ROPN1L: variants seen among roughly 807,000 people sequenced by gnomAD.
ROPN1L encodes ropporin-1-like protein.
Under a neutral mutation model 22.7 loss-of-function variants are expected in ROPN1L, and 23 were observed. The observed-to-expected ratio is 1.01, with a 90% confidence interval of 0.73 to 1.43. The LOEUF is 1.43. ROPN1L is among the 40% of genes most tolerant of loss of function. ROPN1L has a pLI of 0.00. For synonymous variants in ROPN1L, 116 were observed against 117.8 expected (o/e 0.98, Z 0.10); for missense variants, 271 against 291.5 (o/e 0.93, Z 0.51).
the ROPN1L span, among the ~76,000 whole-genome samples, chr5:10,481,270 C>T: frequency 6.6e-6 from 1 of 152,198 alleles, no homozygotes; most frequent in African/African-American, 2.4e-5. Flanking sequence ...ATTGAAAGGA[C>T]AGTTTGTTAC....
chr5:10,460,754 G>A (rs539145776), intron 3 of ROPN1L, among the ~76,000 whole-genome samples: 18 of 152,356 alleles, frequency 1.2e-4, no homozygotes, highest in African/African-American at 3.4e-4. Flanking sequence ...CATGCAGGCC[G>A]TTGGCTGCCA....
intron 3 of ROPN1L, among the ~76,000 whole-genome samples, chr5:10,459,370 C>T (rs1219063719): frequency 6.7e-6 from 1 of 150,028 alleles, no homozygotes; most frequent in Non-Finnish European, 1.5e-5. Flanking sequence ...TCACTGGGTT[C>T]TTGCCTTCCA....
chr5:10,446,814 A>C (rs958697760), intron 1 of ROPN1L, among the ~76,000 whole-genome samples: 2 of 152,140 alleles, frequency 1.3e-5, no homozygotes, highest in African/African-American at 4.8e-5. Flanking sequence ...AGTTATGAGG[A>C]GTTACCCCCA....
chr5:10,476,143 G>A (rs1465796907), downstream of ROPN1L, among the ~76,000 whole-genome samples: 1 of 152,230 alleles, frequency 6.6e-6, no homozygotes, highest in Non-Finnish European at 1.5e-5. Context: ...AGCAGGCTGC[G>A]AAATGCAGTC....
chr5:10,448,480 T>C (rs1741151563), intron 2 of ROPN1L, 97 bp downstream of exon 2: 2 of 1,436,354 alleles, frequency 1.4e-6, no homozygotes, highest in Non-Finnish European at 1.9e-6. Context: ...ACCCCAGCAA[T>C]GTATTTCAAA....
intron 1 of ROPN1L, among the ~76,000 whole-genome samples, chr5:10,443,674 C>G (rs187415526): frequency 6.6e-6 from 1 of 152,030 alleles, no homozygotes; most frequent in Non-Finnish European, 1.5e-5. Flanking sequence ...TTCTGGAGGC[C>G]AGAAGTCCAA....
In ROPN1L at chr5:10,453,232, G is replaced by A. The variant is rs80159916; in HGVS notation, c.417+3119G>A. 4.4e-3 allele frequency among the ~76,000 whole-genome samples: 671 copies of A among 152,296 alleles called. 4 individuals are homozygous for A. Among genetic ancestry groups the A allele is most frequent in the African/African-American group, 0.016 (646 of 41,560 alleles). On this transcript the variant is annotated intron_variant, in intron 3 of 4. Transcript: ENST00000274134. Reference sequence around the variant, plus strand: ...TCCTCCCTCAGAGGAGCGTGTGCTCGTCTGGGGTCCATGTCTGCTGCCAGG... The same window carrying A: ...TCCTCCCTCAGAGGAGCGTGTGCTCATCTGGGGTCCATGTCTGCTGCCAGG...
intron 3 of ROPN1L, among the ~76,000 whole-genome samples, chr5:10,460,847 C>G (rs1735009671): frequency 6.6e-6 from 1 of 152,236 alleles, no homozygotes; most frequent in African/African-American, 2.4e-5. Context: ...TGTCTCCGGG[C>G]CAGATGGGGC....
chr5:10,449,884 T>C, intron 2 of ROPN1L, 68 bp from the exon 3 acceptor site: 1 of 1,374,390 alleles, frequency 7.3e-7, no homozygotes, highest in African/African-American at 1.4e-5. Context: ...GTGTTGAATA[T>C]TCACAGCATT....
At position 10,448,281 on chromosome 5, in the gene ROPN1L, A is replaced by G. The variant is rs142187803; in HGVS notation, c.153A>G (p.Arg51=). ...WSAGYFSALS[R]GDPLPVKDRM... Reference sequence around the variant, plus strand: ...TTAGCTATTTTTCAGCTCTGTCGAGAGGAGATCCACTTCCTGTAAAGGACA... The same window carrying G: ...TTAGCTATTTTTCAGCTCTGTCGAGGGGAGATCCACTTCCTGTAAAGGACA... The change falls in exon 2 of 5, where the codon AGA becomes AGG. Residue 51 remains arginine (R), a synonymous_variant. Transcript: ENST00000274134. 84 of 1,614,118 alleles carry G rather than the reference A, an allele frequency of 5.2e-5. No individual in the cohort carries two copies. The African/African-American group carries it at 8.9e-4, about 17-fold the overall frequency.
At chr5:10,475,233 A>G (rs1184959490), downstream of ROPN1L, among the ~76,000 whole-genome samples, 3 of 152,166 alleles carry the variant, frequency 2.0e-5, no homozygotes, top group Non-Finnish European at 4.4e-5. Flanking sequence ...ACCCTCTTCA[A>G]CAAGACCTGG....
intron 1 of ROPN1L, 51 bp downstream of exon 1, chr5:10,442,349 C>T (rs1354178151): frequency 6.3e-7 from 1 of 1,599,852 alleles, no homozygotes; most frequent in Admixed American, 1.7e-5. Context: ...CCAAGCCAGA[C>T]GAGCCCAGAG....
At chr5:10,469,599 T>A (rs980482792), downstream of ROPN1L, among the ~76,000 whole-genome samples, 2 of 152,330 alleles carry the variant, frequency 1.3e-5, no homozygotes, top group African/African-American at 4.8e-5. Context: ...TTGAAAAAGC[T>A]ACAAGATGCA....
downstream of ROPN1L, among the ~76,000 whole-genome samples, chr5:10,466,120 A>G (rs1735149563): frequency 6.6e-6 from 1 of 152,212 alleles, no homozygotes; most frequent in Non-Finnish European, 1.5e-5. Context: ...GAAAAGGCCA[A>G]TACCAATGAA....
downstream of ROPN1L, among the ~76,000 whole-genome samples, chr5:10,469,321 A>T (rs1379095297): frequency 2.7e-4 from 3 of 11,182 alleles, no homozygotes; most frequent in Non-Finnish European, 8.1e-4. Context: ...CAAAAAAATT[A>T]AAAAAAAAAA....
chr5:10,459,206 G>A (rs1734951092), intron 3 of ROPN1L, among the ~76,000 whole-genome samples: 1 of 151,748 alleles, frequency 6.6e-6, no homozygotes, highest in African/African-American at 2.4e-5. Context: ...AGTGAGTTCT[G>A]GTAACTCCAC....
chr5:10,461,168 G>A lies in ROPN1L; in HGVS notation c.418-16G>A. The A allele has an allele frequency of 6.2e-7, 1 of 1,603,698 alleles. No individual in the cohort carries two copies. Among genetic ancestry groups the A allele is most frequent in the Non-Finnish European group, 8.5e-7 (1 of 1,173,250 alleles). On this transcript the variant is annotated splice_polypyrimidine_tract_variant and intron_variant, in intron 3 of 4. Transcript: ENST00000274134. Reference sequence around the variant, plus strand: ...GAGTAACTGTTTTTCTCCCCACCTGGCTGTGGTGCTCCCAGTCCTTGAACA... The same window carrying A: ...GAGTAACTGTTTTTCTCCCCACCTGACTGTGGTGCTCCCAGTCCTTGAACA...
chr5:10,470,882 C>A lies in ROPN1L; in HGVS notation n.886-928C>A, dbSNP rs192321839. On this transcript the variant is annotated intron_variant and non_coding_transcript_variant, in intron 4 of 4. Transcript: ENST00000510520. ...CAGCACCTGCTAAGGGCTGGCCCCC[C>A]TGCCACGTACGGGTTTTGCAGCTAA... Among the ~76,000 whole-genome samples the A allele has an allele frequency of 2.6e-4, 39 of 152,354 alleles. No individual in the cohort carries two copies. In the East Asian group the frequency reaches 4.2e-3, roughly 17 times the overall value.
downstream of ROPN1L, among the ~76,000 whole-genome samples, chr5:10,474,754 A>G (rs1451939855): frequency 6.6e-6 from 1 of 152,270 alleles, no homozygotes; most frequent in Non-Finnish European, 1.5e-5. Context: ...GTTATAGAAC[A>G]ATAGAAAAGG....
Sources: allele counts gnomAD v4.1 joint callset (sites outside exome capture counted in the v4.1 genomes callset), GRCh38; gene constraint gnomAD v4.1.1; transcripts MANE v1.5; gene names NCBI Gene and HGNC (gene_info 2026-07-23, HGNC 2026-07-21).